POLR2F: variants seen among roughly 807,000 people sequenced by gnomAD.
POLR2F encodes the protein DNA-directed RNA polymerases I, II, and III subunit RPABC2.
A neutral mutation model predicts 22.7 loss-of-function variants in POLR2F; 12 were observed. That is an observed-to-expected ratio of 0.53 (90% confidence interval 0.34 to 0.86). POLR2F has a LOEUF of 0.86. Among genes scored for constraint, POLR2F ranks in the 40% least tolerant of loss-of-function variants. The pLI is 0.02. For missense variants in POLR2F, 126 were observed against 171.5 expected, an observed-to-expected ratio of 0.73 and a Z score of 1.48; for synonymous variants, 57 against 66.0, an observed-to-expected ratio of 0.86 and a Z score of 0.66.
intron 1 of POLR2F, among the ~76,000 whole-genome samples, chr22:38,004,880 G>T (rs2084806474): frequency 1.3e-5 from 2 of 152,182 alleles, no homozygotes; most frequent in Non-Finnish European, 2.9e-5. Context: ...GGTGGTAGAG[G>T]TTGCGGTGAG....
intron 5 of POLR2F, among the ~76,000 whole-genome samples, chr22:38,038,360 T>G (rs1448004127): frequency 1.3e-5 from 2 of 152,056 alleles, no homozygotes; most frequent in Non-Finnish European, 2.9e-5. Context: ...AGCAAGCAGC[T>G]TGGGGGAAAG....
At chr22:37,959,619 A>T (rs1931545398) in intron 3 of POLR2F, 143 bp downstream of exon 3, 3 of 870,932 alleles carry the variant, frequency 3.4e-6, no homozygotes, top group Non-Finnish European at 5.3e-6. Flanking sequence ...CGTACCAGGC[A>T]TTGAGCTAGT....
At chr22:37,986,029 C>A, upstream of POLR2F, 2 of 1,367,134 alleles carry the variant, frequency 1.5e-6, no homozygotes, top group Non-Finnish European at 9.4e-7. The surrounding 1 kb of genome is among the most constrained non-coding windows in gnomAD (Gnocchi z 4.7). Flanking sequence ...CCCCCCGCCT[C>A]CCTTCTCTTC....
At position 38,017,133 on chromosome 22, in the gene POLR2F, C is replaced by G. The variant is rs891014605; in HGVS notation, c.121-8736C>G. ...GTCTGGGGTCTGCATCCTCATGTGC[C>G]CTGGGCTTGCTGTGCCACCCAAGGC... On this transcript the variant is annotated intron_variant, in intron 1 of 2. Coordinates refer to the POLR2F transcript ENST00000333418. The surrounding 1 kb of genome is among the most constrained non-coding windows in gnomAD (Gnocchi z 4.1). Among the ~76,000 whole-genome samples the G allele has an allele frequency of 6.6e-6, 1 of 152,208 alleles. No individual in the cohort carries two copies. The highest frequency in any genetic ancestry group is 2.4e-5 in the African/African-American group (1 of 41,458).
intron 5 of POLR2F, among the ~76,000 whole-genome samples, chr22:38,033,535 A>G (rs939701494): frequency 1.2e-4 from 18 of 152,328 alleles, no homozygotes; most frequent in African/African-American, 4.3e-4. Context: ...ACCAATCACC[A>G]GTGCCCACAG....
At chr22:37,976,893 T>C (rs932493854) in intron 4 of POLR2F, among the ~76,000 whole-genome samples, 2 of 152,138 alleles carry the variant, frequency 1.3e-5, no homozygotes, top group African/African-American at 2.4e-5. Context: ...TCACATGCCA[T>C]GTCTCCTCTG....
intron 1 of POLR2F, among the ~76,000 whole-genome samples, chr22:38,004,777 T>C (rs563631871): frequency 5.3e-5 from 8 of 152,196 alleles, no homozygotes; most frequent in African/African-American, 1.9e-4. Flanking sequence ...AAACCCCATC[T>C]CTACTAAAAA....
At chr22:37,962,522 G>A (rs932063463) in intron 3 of POLR2F, among the ~76,000 whole-genome samples, 15 of 152,176 alleles carry the variant, frequency 9.9e-5, no homozygotes, top group Admixed American at 9.8e-4. Context: ...GCCACACCCA[G>A]TGTGACAGCC....
At chr22:37,981,457 A>C (rs1932393283), upstream of POLR2F, among the ~76,000 whole-genome samples, 1 of 152,190 alleles carries the variant, frequency 6.6e-6, no homozygotes, top group African/African-American at 2.4e-5. Context: ...CCCTGTGCAC[A>C]CAGCTTGAGT....
chr22:37,957,608 C>G (rs1161784098), intron 2 of POLR2F, among the ~76,000 whole-genome samples: 2 of 152,134 alleles, frequency 1.3e-5, no homozygotes, highest in Non-Finnish European at 2.9e-5. Context: ...ATGGCACTTT[C>G]AGATACCTTT....
chr22:37,967,438 TC>T (rs1360470001), intron 4 of POLR2F, 186 bp from the exon 5 acceptor site: 2 of 1,434,256 alleles, frequency 1.4e-6, no homozygotes, highest in East Asian at 5.1e-5. Flanking sequence ...CTGTCATTCT[TC>T]CCCCTCTTGT....
At chr22:37,969,558 AT>A (rs1931983026), downstream of POLR2F, among the ~76,000 whole-genome samples, 1 of 152,088 alleles carries the variant, frequency 6.6e-6, no homozygotes, top group Admixed American at 6.6e-5. Flanking sequence ...TGATAGTGTC[AT>A]CTTCCGGATG....
chr22:37,965,494 A>G (rs59666389), intron 3 of POLR2F, among the ~76,000 whole-genome samples: 5,353 of 152,358 alleles, frequency 0.035, 307 homozygotes, highest in African/African-American at 0.12. Context: ...CATGTGCATA[A>G]TAGGTGCGGA....
chr22:38,012,436 C>T (rs2084878991), intron 1 of POLR2F, among the ~76,000 whole-genome samples: 1 of 152,124 alleles, frequency 6.6e-6, no homozygotes, highest in South Asian at 2.1e-4. Context: ...GTTGCCAAGG[C>T]AGTACAAAAA....
chr22:37,964,910 A>C (rs1931794744), intron 3 of POLR2F, among the ~76,000 whole-genome samples: 1 of 151,754 alleles, frequency 6.6e-6, no homozygotes, highest in South Asian at 2.1e-4. Context: ...AGCTTGATCC[A>C]GCTCATTCCA....
At chr22:37,989,094 ATCCTCAGTC>A (rs1487445681) in intron 1 of POLR2F, among the ~76,000 whole-genome samples, 2 of 152,152 alleles carry the variant, frequency 1.3e-5, no homozygotes, top group African/African-American at 4.8e-5. Context: ...AGGCTGTGTC[ATCCTCAGTC>A]TCGGATGTAG....
At chr22:38,010,602 G>GGTTTTTTTTTTTTT (rs1382349551) in intron 1 of POLR2F, among the ~76,000 whole-genome samples, 1 of 60,890 alleles carries the variant, frequency 1.6e-5, no homozygotes, top group African/African-American at 7.2e-5. Context: ...AATTCCTTGT[G>GGTTTTTTTTTTTTT]TTTTTTTTTT....
At chr22:38,036,661 T>G (rs2085119014) in intron 5 of POLR2F, among the ~76,000 whole-genome samples, 1 of 151,820 alleles carries the variant, frequency 6.6e-6, no homozygotes, top group South Asian at 2.1e-4. Context: ...ACTGTGGGTC[T>G]CTCAGTTTCT....
chr22:38,036,856 A>G (rs2085121065), intron 5 of POLR2F, among the ~76,000 whole-genome samples: 1 of 151,722 alleles, frequency 6.6e-6, no homozygotes, highest in South Asian at 2.1e-4. Context: ...TCAACAGCAC[A>G]TTCCCTCTCA....
Sources: allele counts gnomAD v4.1 joint callset (sites outside exome capture counted in the v4.1 genomes callset), GRCh38; gene constraint gnomAD v4.1.1; non-coding constraint Gnocchi (gnomAD v3.1); transcripts MANE v1.5; gene names NCBI Gene and HGNC (gene_info 2026-07-23, HGNC 2026-07-21).